Variants in CARMIL1 observed in about 807,000 individuals in gnomAD.
The protein encoded by CARMIL1 is capping protein regulator and myosin 1 linker 1.
In CARMIL1, 90 loss-of-function variants were observed where a neutral mutation model predicts 177.1. The ratio of observed to expected loss-of-function variants is 0.51; its 90% CI spans 0.43 to 0.61. The LOEUF is 0.61. CARMIL1 is among the 20% of genes least tolerant of loss of function. CARMIL1 has a pLI of 0.00. For synonymous variants in CARMIL1, 577 were observed against 606.2 expected (o/e 0.95, Z 0.71); for missense variants, 1,380 against 1,667.0 (o/e 0.83, Z 3.00).
At chr6:25,286,763 A>G (rs898833454) in intron 2 of CARMIL1, among the ~76,000 whole-genome samples, 2 of 152,210 alleles carry the variant, frequency 1.3e-5, no homozygotes, top group South Asian at 4.1e-4. Flanking sequence ...TTATTATGCT[A>G]AGAACAAACC....
chr6:25,596,693 A>G (rs996558682), intron 32 of CARMIL1, among the ~76,000 whole-genome samples: 5 of 152,142 alleles, frequency 3.3e-5, no homozygotes, highest in African/African-American at 1.2e-4. Flanking sequence ...GAATATTTGT[A>G]TTATACTTGC....
At chr6:25,469,190 G>A (rs1470589925) in intron 9 of CARMIL1, among the ~76,000 whole-genome samples, 2 of 152,160 alleles carry the variant, frequency 1.3e-5, no homozygotes, top group South Asian at 2.1e-4. Flanking sequence ...GTGTAAAAGT[G>A]GCATTATAGA....
intron 24 of CARMIL1, among the ~76,000 whole-genome samples, chr6:25,537,640 A>G (rs1808432257): frequency 6.6e-6 from 1 of 152,206 alleles, no homozygotes; most frequent in African/African-American, 2.4e-5. Context: ...TTCTGGCATT[A>G]AAGTTGCCAA....
intron 8 of CARMIL1, among the ~76,000 whole-genome samples, chr6:25,453,722 G>T (rs1454966160): frequency 6.6e-6 from 1 of 152,190 alleles, no homozygotes; most frequent in Admixed American, 6.5e-5. Context: ...GGGCAACACA[G>T]TGAAAGGATA....
chr6:25,585,034 G>T (rs1813503655), intron 31 of CARMIL1, among the ~76,000 whole-genome samples: 3 of 152,200 alleles, frequency 2.0e-5, no homozygotes, highest in Admixed American at 2.0e-4. Context: ...ATGGCCAGAG[G>T]TCTAAATAGA....
Position 25,554,103 on chromosome 6 carries a change from G to A in CARMIL1, c.2592+7G>A, listed in dbSNP as rs1351584773. The A allele has an allele frequency of 1.9e-6, 3 of 1,577,422 alleles. No homozygotes were observed. Among genetic ancestry groups the A allele is most frequent in the Non-Finnish European group, 8.6e-7 (1 of 1,158,274 alleles). ...ACATTGCCATCATAAACTGGTGAGT[G>A]CTGTGCACATCTTGAGCAGGACCTC... On this transcript the variant is annotated splice_region_variant and intron_variant, in intron 28 of 36. Coordinates refer to ENST00000329474, the MANE Select transcript of CARMIL1 (RefSeq NM_017640.6). This position sits in a 1 kb window ranked among gnomAD's most constrained non-coding sequence, Gnocchi z 4.6.
At chr6:25,498,215 A>T (rs1424079787) in intron 16 of CARMIL1, among the ~76,000 whole-genome samples, 1 of 152,164 alleles carries the variant, frequency 6.6e-6, no homozygotes, top group Non-Finnish European at 1.5e-5. Flanking sequence ...TGCTACCCTG[A>T]AATTATAACT....
intron 8 of CARMIL1, among the ~76,000 whole-genome samples, chr6:25,459,275 TTTTTTAA>T (rs1203743015): frequency 7.1e-6 from 1 of 141,430 alleles, no homozygotes; most frequent in Non-Finnish European, 1.5e-5. Context: ...TCTTTTTTTT[TTTTTTAA>T]GACAGGGTCT....
Position 25,580,896 on chromosome 6 carries a change from T to C in CARMIL1, c.2743-28T>C, listed in dbSNP as rs758514244. ...CAAGTTTTCTGTGGCTACCTAAGTG[T>C]TTTTTTAAATTATTATTTCATTTCT... On this transcript the variant is annotated intron_variant, in intron 29 of 36. Transcript: ENST00000329474. 3 of 1,541,368 alleles carry C rather than the reference T, an allele frequency of 1.9e-6. No homozygotes were observed. In the African/African-American group the frequency reaches 4.1e-5, roughly 21 times the overall value.
chr6:25,459,268 T>TTCTTTCTTTTC (rs760311925), intron 8 of CARMIL1, among the ~76,000 whole-genome samples: 1 of 121,194 alleles, frequency 8.3e-6, no homozygotes, highest in Non-Finnish European at 1.8e-5. Flanking sequence ...CTTTCTTTCT[T>TTCTTTCTTTTC]TTTTTTTTTT....
In CARMIL1 at chr6:25,550,994, C is replaced by A; in HGVS notation, c.2413C>A (p.His805Asn). ...KKAHIRQDLI[H>N]ASTEKISIPR... ...AGCCCACATTCGACAAGACTTGATT[C>A]ATGCCAGCACCGAAAAGATTTCTAT... is the stretch of plus-strand genomic sequence containing the variant. Residue 805 changes from histidine (H) to asparagine (N), a missense_variant, in exon 27 of 37, where the codon CAT becomes AAT. Transcript: ENST00000329474. 1 of 1,613,508 alleles carries A rather than the reference C, an allele frequency of 6.2e-7. No individual in the cohort carries two copies.
intron 24 of CARMIL1, 58 bp from the exon 25 acceptor site, chr6:25,537,797 T>G (rs1216432536): frequency 6.3e-7 from 1 of 1,596,776 alleles, no homozygotes; most frequent in African/African-American, 1.3e-5. Flanking sequence ...TGTGTTTCCT[T>G]CTATCTGAAT....
At chr6:25,516,867 G>C (rs1359340878) in intron 21 of CARMIL1, among the ~76,000 whole-genome samples, 1 of 152,196 alleles carries the variant, frequency 6.6e-6, no homozygotes, top group Non-Finnish European at 1.5e-5. Flanking sequence ...GAAAACACAA[G>C]GAACTATGAC....
At chr6:25,615,563 AT>A (rs1816827817) in intron 36 of CARMIL1, among the ~76,000 whole-genome samples, 1 of 152,148 alleles carries the variant, frequency 6.6e-6, no homozygotes, top group Non-Finnish European at 1.5e-5. Context: ...GGCATCTAAG[AT>A]TCCTTTTATA....
intron 8 of CARMIL1, among the ~76,000 whole-genome samples, chr6:25,459,513 A>T (rs1005586007): frequency 5.3e-5 from 8 of 151,826 alleles, no homozygotes; most frequent in Non-Finnish European, 1.2e-4. Context: ...CAGCTTCCCA[A>T]GGTGCTGGGA....
At chr6:25,528,027 A>T (rs181871626) in intron 23 of CARMIL1, among the ~76,000 whole-genome samples, 61 of 152,332 alleles carry the variant, frequency 4.0e-4, no homozygotes, top group African/African-American at 1.4e-3. Flanking sequence ...CTTTATAGGT[A>T]TCCATCATTC....
At position 25,312,208 on chromosome 6, in the gene CARMIL1, T is replaced by A. The variant is rs144220706; in HGVS notation, c.138+27299T>A. 1.9e-4 allele frequency among the ~76,000 whole-genome samples: 28 copies of A among 149,272 alleles called. 1 individual carries two copies. The South Asian group carries it at 5.6e-3, about 30-fold the overall frequency. On this transcript the variant is annotated intron_variant, in intron 2 of 36. Coordinates refer to ENST00000329474, the MANE Select transcript of CARMIL1 (RefSeq NM_017640.6). ...CATCTGGGTGTGCTCAGATAAACTTTAGAGCACCCAAGGTTTATAGAACTC... is the reference window on the plus strand; with the variant it reads ...CATCTGGGTGTGCTCAGATAAACTTAAGAGCACCCAAGGTTTATAGAACTC...
intron 26 of CARMIL1, among the ~76,000 whole-genome samples, chr6:25,546,214 C>T (rs1458560628): frequency 6.6e-6 from 1 of 151,938 alleles, no homozygotes; most frequent in Non-Finnish European, 1.5e-5. Flanking sequence ...ATCATCACTT[C>T]TATTCAGCTT....
At chr6:25,451,947 A>G in intron 8 of CARMIL1, 1 of 604,086 alleles carries the variant, frequency 1.7e-6, no homozygotes, top group Non-Finnish European at 3.0e-6. Flanking sequence ...GTCACAGAGG[A>G]TTGTTGTTGC....
Sources: allele counts gnomAD v4.1 joint callset (sites outside exome capture counted in the v4.1 genomes callset), GRCh38; gene constraint gnomAD v4.1.1; non-coding constraint Gnocchi (gnomAD v3.1); transcripts MANE v1.5; gene names NCBI Gene and HGNC (gene_info 2026-07-23, HGNC 2026-07-21).